The following PHC3 variants were observed in gnomAD, a reference collection of about 807,000 sequenced individuals.
PHC3 encodes the protein polyhomeotic homolog 3.
In PHC3, 13 loss-of-function variants were observed where a neutral mutation model predicts 107.4. The observed-to-expected ratio is 0.12, with a 90% CI of 0.08 to 0.19. PHC3 has a LOEUF of 0.19. Ranked by LOEUF, PHC3 falls within the 10% of genes least tolerant of loss-of-function variation. The pLI is 1.00. For missense variants in PHC3, 992 were observed against 1,210.9 expected, an observed-to-expected ratio of 0.82 and a Z score of 2.68; for synonymous variants, 456 against 427.4, an observed-to-expected ratio of 1.07 and a Z score of -0.83.
intron 4 of PHC3, among the ~76,000 whole-genome samples, chr3:170,152,613 C>A (rs1726189507): frequency 6.6e-6 from 1 of 151,844 alleles, no homozygotes; most frequent in Non-Finnish European, 1.5e-5. Flanking sequence ...TTTACCAGCT[C>A]TTCTTTTGCA....
At chr3:170,163,680 T>C (rs1226692007) in intron 4 of PHC3, among the ~76,000 whole-genome samples, 1 of 150,932 alleles carries the variant, frequency 6.6e-6, no homozygotes, top group Admixed American at 6.6e-5. Flanking sequence ...CTGGCCAACA[T>C]GGTGAAACCC....
chr3:170,145,641 C>T (rs1724812452), intron 5 of PHC3, 120 bp from the exon 6 acceptor site: 2 of 549,362 alleles, frequency 3.6e-6, no homozygotes, highest in Middle Eastern at 2.8e-4. Context: ...TTAGGATTAT[C>T]TCCTCAGCAA....
intron 8 of PHC3, among the ~76,000 whole-genome samples, chr3:170,123,272 A>C (rs1035601699): frequency 2.0e-5 from 3 of 152,024 alleles, no homozygotes; most frequent in East Asian, 3.9e-4. Context: ...ACGCAATTAT[A>C]TCTCTCCTTT....
At chr3:170,140,269 T>G (rs912389914) in intron 6 of PHC3, among the ~76,000 whole-genome samples, 3 of 151,466 alleles carry the variant, frequency 2.0e-5, no homozygotes, top group African/African-American at 7.3e-5. Context: ...TTTTTCTTTT[T>G]TACTTTTTTT....
At chr3:170,135,508 C>T (rs898646208) in intron 7 of PHC3, among the ~76,000 whole-genome samples, 1 of 150,900 alleles carries the variant, frequency 6.6e-6, no homozygotes, top group Non-Finnish European at 1.5e-5. Context: ...AACACACATA[C>T]ACATACACAC....
chr3:170,131,435 A>G (rs1396933756), intron 7 of PHC3, among the ~76,000 whole-genome samples: 1 of 152,228 alleles, frequency 6.6e-6, no homozygotes, highest in Non-Finnish European at 1.5e-5. Context: ...ATAAGTAAAT[A>G]GATTTTTTTG....
intron 4 of PHC3, among the ~76,000 whole-genome samples, chr3:170,151,562 G>GA (rs1263368784): frequency 6.6e-6 from 1 of 152,170 alleles, no homozygotes; most frequent in Non-Finnish European, 1.5e-5. Flanking sequence ...AGGGTATCTT[G>GA]GTTCTATAGA....
chr3:170,177,205 A>G (rs182306810), intron 2 of PHC3, among the ~76,000 whole-genome samples: 22 of 152,262 alleles, frequency 1.4e-4, no homozygotes, highest in Non-Finnish European at 1.8e-4. Context: ...CTAAGTCTAT[A>G]TTTTGAGTTC....
Position 170,122,728 on chromosome 3 carries a change from T to C in PHC3, c.1805A>G (p.Asp602Gly), listed in dbSNP as rs1335871945. ...TTCTGGCATTTCTTCTTCACACACA[T>C]CTTCTACCTGATAAACCTGCAATGA... ...VDPPVVYQVE[D>G]VCEEEMPEES... The change falls in exon 9 of 15, where the codon GAT becomes GGT. Residue 602 changes from aspartate (D) to glycine (G), a missense_variant. By Grantham distance (94) the Asp-to-Gly change is moderately conservative (BLOSUM62 -1). This residue lies in a region of PHC3 where 543 missense variants were observed against 590.8 expected (regional missense o/e 0.92). Transcript: ENST00000495893. The C allele has an allele frequency of 3.7e-6, 6 of 1,613,794 alleles. No individual in the cohort carries two copies. The East Asian group carries it at 6.7e-5, about 18-fold the overall frequency.
At chr3:170,146,694 G>A (rs1308095063) in intron 5 of PHC3, among the ~76,000 whole-genome samples, 9 of 149,854 alleles carry the variant, frequency 6.0e-5, no homozygotes, top group East Asian at 2.0e-4. Context: ...CACAACGCCC[G>A]GCTAATTTTT....
chr3:170,113,633 C>G, intron 10 of PHC3, 114 bp from the exon 11 acceptor site: 1 of 955,172 alleles, frequency 1.0e-6, no homozygotes, highest in Non-Finnish European at 1.5e-6. Context: ...ACTAGTTCAA[C>G]TGATCAGATC....
intron 4 of PHC3, among the ~76,000 whole-genome samples, chr3:170,166,548 C>T (rs913586882): frequency 6.6e-6 from 1 of 151,946 alleles, no homozygotes; most frequent in Non-Finnish European, 1.5e-5. Flanking sequence ...AATTAATGGG[C>T]ATTTATATTA....
intron 11 of PHC3, among the ~76,000 whole-genome samples, chr3:170,108,517 A>C (rs1446532457): frequency 6.6e-6 from 1 of 152,206 alleles, no homozygotes; most frequent in Non-Finnish European, 1.5e-5. Flanking sequence ...CTACCTTCAT[A>C]AGCAAAAGTC....
At chr3:170,176,853 A>T (rs1185522677) in intron 2 of PHC3, 6 of 450,826 alleles carry the variant, frequency 1.3e-5, no homozygotes, top group East Asian at 1.4e-4. Flanking sequence ...TTAATGAAAG[A>T]AGTAGTCTCA....
chr3:170,110,148 G>A (rs1717352363), intron 11 of PHC3, among the ~76,000 whole-genome samples: 1 of 151,912 alleles, frequency 6.6e-6, no homozygotes, highest in African/African-American at 2.4e-5. Flanking sequence ...GACTACAGGT[G>A]TCAATTACAT....
chr3:170,107,480 AAT>A (rs1158342298), intron 11 of PHC3, among the ~76,000 whole-genome samples: 3 of 152,178 alleles, frequency 2.0e-5, no homozygotes, highest in African/African-American at 7.2e-5. Context: ...TATATGATAA[AAT>A]ATATAAAGAT....
intron 11 of PHC3, among the ~76,000 whole-genome samples, chr3:170,111,484 T>G (rs1577002206): frequency 1.4e-5 from 2 of 147,080 alleles, no homozygotes; most frequent in African/African-American, 5.0e-5. Context: ...AAAAGAAGGG[T>G]GGGGGTTAGG....
intron 4 of PHC3, among the ~76,000 whole-genome samples, chr3:170,155,034 G>GA (rs1726664095): frequency 6.6e-6 from 1 of 152,106 alleles, no homozygotes; most frequent in African/African-American, 2.4e-5. Context: ...ACTCCACAAA[G>GA]AAACTCACTT....
chr3:170,171,479 C>T (rs1202304653), intron 3 of PHC3, 29 bp from the exon 4 acceptor site: 2 of 1,482,536 alleles, frequency 1.3e-6, no homozygotes, highest in South Asian at 1.3e-5. Context: ...TAGAATATGT[C>T]GGTAAAAACC....
Sources: allele counts gnomAD v4.1 joint callset (sites outside exome capture counted in the v4.1 genomes callset), GRCh38; gene constraint gnomAD v4.1.1; regional missense constraint gnomAD v4.1.1; transcripts MANE v1.5; gene names NCBI Gene and HGNC (gene_info 2026-07-23, HGNC 2026-07-21).